The following SNX18 variants were observed in gnomAD, a reference collection of about 807,000 sequenced individuals.
SNX18 encodes sorting nexin 18, also known as sorting nexin-18.
SNX18 carries 35 observed loss-of-function variants against 48.7 expected under a neutral mutation model. That is an observed-to-expected ratio of 0.72 (90% confidence interval 0.55 to 0.95). The LOEUF (loss-of-function observed/expected upper bound fraction) is 0.95, where lower values mean the gene tolerates loss of function less well. SNX18 is among the 40% of genes least tolerant of loss of function. The pLI, the probability that SNX18 is intolerant of heterozygous loss-of-function variation, is 0.00. For missense variants in SNX18, 824 were observed against 871.0 expected (o/e 0.95, Z 0.68); for synonymous variants, 492 against 384.7 (o/e 1.28, Z -3.26).
chr5:54,522,335 A>G (rs1430732984), intron 1 of SNX18, among the ~76,000 whole-genome samples: 9 of 152,216 alleles, frequency 5.9e-5, no homozygotes, highest in Non-Finnish European at 1.3e-4. Context: ...AAATATGGCT[A>G]ATGTGACTAA....
chr5:54,534,237 CTT>C (rs56135730), intron 1 of SNX18, among the ~76,000 whole-genome samples: 8 of 143,624 alleles, frequency 5.6e-5, no homozygotes, highest in Admixed American at 1.4e-4. Context: ...TTTCTTTTTT[CTT>C]TTTTTTTTTT....
the SNX18 span, among the ~76,000 whole-genome samples, chr5:54,573,730 C>T: frequency 1.3e-5 from 2 of 152,138 alleles, no homozygotes; most frequent in East Asian, 3.9e-4. Flanking sequence ...TGAAAAGCCA[C>T]ACTTCAGGAA....
chr5:54,519,156 A>T lies in SNX18; in HGVS notation c.1204A>T (p.Met402Leu). 6.2e-7 allele frequency: 1 copy of T among 1,613,886 alleles called. No homozygotes were observed. The highest frequency in any genetic ancestry group is 8.5e-7 in the Non-Finnish European group (1 of 1,179,874). ...QGKRKAEKDEMVGANFFLTLS... is the reference protein window; with the variant it reads ...QGKRKAEKDELVGANFFLTLS... ...CAAGAGGAAGGCCGAGAAGGACGAG[A>T]TGGTGGGCGCCAACTTCTTCCTGAC... The change falls in exon 1 of 2, where the codon ATG becomes TTG. Residue 402 changes from methionine to leucine, a missense_variant. By Grantham distance (15) the Met-to-Leu change is conservative. Transcript: ENST00000381410.
At chr5:54,634,818 T>G in the SNX18 span, among the ~76,000 whole-genome samples, 1 of 152,282 alleles carries the variant, frequency 6.6e-6, no homozygotes, top group Non-Finnish European at 1.5e-5. Flanking sequence ...TTTTGGAATG[T>G]TTTTAAAAAT....
chr5:54,517,913 G>C lies in SNX18; in HGVS notation c.-40G>C. 6.8e-7 allele frequency: 1 copy of C among 1,474,232 alleles called. No homozygotes were observed. Among genetic ancestry groups the C allele is most frequent in the Non-Finnish European group, 8.9e-7 (1 of 1,118,560 alleles). 91.3% of individuals were successfully genotyped at this position (1,474,232 alleles called of 1,614,324 possible). The stretch of plus-strand genomic sequence containing the variant: ...GCCCCTCAGGTGGGCCTCGGCTCGG[G>C]ACGCCGGGAGTCGGGACCGCCAGTC... On this transcript the variant is annotated 5_prime_UTR_variant, in exon 1 of 2. Transcript: ENST00000381410.
chr5:54,646,694 G>A, the SNX18 span, among the ~76,000 whole-genome samples: 1 of 152,212 alleles, frequency 6.6e-6, no homozygotes, highest in African/African-American at 2.4e-5. Flanking sequence ...TGCCACCCAA[G>A]TTCTTATGCC....
the SNX18 span, among the ~76,000 whole-genome samples, chr5:54,552,491 A>G: frequency 6.6e-6 from 1 of 152,354 alleles, no homozygotes; most frequent in Non-Finnish European, 1.5e-5. Flanking sequence ...TCGGACCAGC[A>G]TATTCTGTCC....
the SNX18 span, among the ~76,000 whole-genome samples, chr5:54,611,268 A>G: frequency 6.6e-6 from 1 of 152,118 alleles, no homozygotes; most frequent in African/African-American, 2.4e-5. Flanking sequence ...TCTCTTGAAC[A>G]TCTTCAAGGT....
chr5:54,518,256 G>A lies in SNX18; in HGVS notation c.304G>A (p.Asp102Asn), dbSNP rs1223403051. 3 of 1,465,232 alleles carry A rather than the reference G, an allele frequency of 2.0e-6. No homozygotes were observed. Among genetic ancestry groups the A allele is most frequent in the Admixed American group, 5.1e-5 (2 of 39,050 alleles). The allele number at this position is 1,465,232 out of a possible 1,614,324, so 90.8% of individuals were successfully genotyped here. Residue 102 changes from aspartate to asparagine, a missense_variant, in exon 1 of 2, where the codon GAC (aspartate) becomes AAC (asparagine). Physicochemically the swap from Asp to Asn is conservative, Grantham distance 23 (BLOSUM62 1). Coordinates refer to ENST00000381410, the MANE Select transcript of SNX18 (RefSeq NM_001102575.2). The part of the protein sequence containing the change: ...APPASFKPPP[D>N]AFQALLQPQQ... ...CCCCGCCTCCTTCAAGCCGCCGCCT[G>A]ACGCCTTCCAGGCGCTGCTGCAGCC...
the SNX18 span, among the ~76,000 whole-genome samples, chr5:54,632,449 C>T: frequency 6.6e-6 from 1 of 152,220 alleles, no homozygotes; most frequent in Admixed American, 6.5e-5. Context: ...CCCAGCTTGT[C>T]TGTGCACCAT....
chr5:54,517,949 G>C lies in SNX18; in HGVS notation c.-4G>C, dbSNP rs774235565. ...TCGGGACCGCCAGTCGGGGCGCCGG[G>C]ACCATGGCGCTGCGCGCCCGGGCGC... On this transcript the variant is annotated 5_prime_UTR_variant, in exon 1 of 2. Transcript: ENST00000381410. The C allele has an allele frequency of 4.6e-6, 7 of 1,508,368 alleles. No homozygotes were observed. In the Admixed American group the frequency reaches 1.1e-4, roughly 23 times the overall value. The allele number at this position is 1,508,368 out of a possible 1,614,324, so 93.4% of individuals were successfully genotyped here. A position where few individuals can be genotyped will look rare whatever the true frequency, so the allele number is the denominator to read the frequency against.
chr5:54,589,773 G>A, the SNX18 span, among the ~76,000 whole-genome samples: 1 of 152,228 alleles, frequency 6.6e-6, no homozygotes, highest in Admixed American at 6.5e-5. Flanking sequence ...CAAAACTAGA[G>A]GAAACCAGGG....
At chr5:54,623,698 A>G in the SNX18 span, among the ~76,000 whole-genome samples, 1 of 152,198 alleles carries the variant, frequency 6.6e-6, no homozygotes, top group Non-Finnish European at 1.5e-5. Context: ...AGGGAGCTAG[A>G]CTTCCCCAAA....
At chr5:54,533,507 C>A (rs960802378) in intron 1 of SNX18, among the ~76,000 whole-genome samples, 3 of 152,142 alleles carry the variant, frequency 2.0e-5, no homozygotes, top group African/African-American at 7.2e-5. Context: ...TGGGGCTTTG[C>A]GATCGCCATG....
chr5:54,631,739 G>C, the SNX18 span, among the ~76,000 whole-genome samples: 7 of 152,312 alleles, frequency 4.6e-5, no homozygotes, highest in Non-Finnish European at 8.8e-5. Context: ...GAACCTTAAA[G>C]GATGGGAATT....
the SNX18 span, among the ~76,000 whole-genome samples, chr5:54,580,103 AAGAGAGAGAGAGAGACAGAG>A: frequency 6.6e-6 from 1 of 151,030 alleles, no homozygotes; most frequent in African/African-American, 2.4e-5. Flanking sequence ...GTGTGTCAGA[AAGAGAGAGAGAGAGACAGAG>A]AGAGAGAAAG....
chr5:54,518,124 G>A lies in SNX18; in HGVS notation c.172G>A (p.Val58Met). The A allele has an allele frequency of 6.9e-7, 1 of 1,456,900 alleles. No homozygotes were observed. Among genetic ancestry groups the A allele is most frequent in the Non-Finnish European group, 9.0e-7 (1 of 1,110,444 alleles). The allele number at this position is 1,456,900 out of a possible 1,614,324, so 90.2% of individuals were successfully genotyped here. A position where few individuals can be genotyped will look rare whatever the true frequency, so the allele number is the denominator to read the frequency against. Residue 58 changes from valine (V) to methionine (M), a missense_variant, in exon 1 of 2, where the codon GTG (valine) becomes ATG (methionine). Around this residue, in one of 3 missense-constraint regions of SNX18, gnomAD observed 377 missense variants for 350.6 expected, o/e 1.08. Coordinates refer to ENST00000381410, the MANE Select transcript of SNX18 (RefSeq NM_001102575.2). The stretch of plus-strand genomic sequence containing the variant: ...CCTCTTCCCGGCCTCCTATGTGCAG[G>A]TGATCCGCGCCCCCGAGCCTGGCCC... ...RGLFPASYVQ[V>M]IRAPEPGPAG...
At chr5:54,627,671 G>GT in the SNX18 span, among the ~76,000 whole-genome samples, 2 of 152,082 alleles carry the variant, frequency 1.3e-5, no homozygotes, top group Non-Finnish European at 2.9e-5. Context: ...GAGGGAGCAC[G>GT]TGGGGGGACC....
the SNX18 span, among the ~76,000 whole-genome samples, chr5:54,586,557 G>A: frequency 0.044 from 6,746 of 152,236 alleles, 485 homozygotes; most frequent in African/African-American, 0.15. Context: ...GAATATGAGC[G>A]TGCAAGACAC....
Sources: gnomAD v4.1 joint callset for allele counts (sites outside exome capture counted in the v4.1 genomes callset) on GRCh38, gnomAD v4.1.1 for gene constraint, gnomAD v4.1.1 regional missense constraint, MANE v1.5 for transcripts, NCBI Gene and HGNC (gene_info 2026-07-23, HGNC 2026-07-21) for gene names.